The following PCDHA2 variants were observed in gnomAD, a reference collection of about 807,000 sequenced individuals.
The protein encoded by PCDHA2 is protocadherin alpha-2.
In PCDHA2, 58 loss-of-function variants were observed where a neutral mutation model predicts 66.0. That is an observed-to-expected ratio of 0.88 (90% CI 0.71 to 1.09). The LOEUF (loss-of-function observed/expected upper bound fraction) is 1.09, where lower values mean the gene tolerates loss of function less well. Among genes scored for constraint, PCDHA2 ranks in the 50% least tolerant of loss-of-function variants. The pLI is 0.00. For missense variants in PCDHA2, 1,267 were observed against 1,242.3 expected, an observed-to-expected ratio of 1.02 and a Z score of -0.30; for synonymous variants, 634 against 554.0, an observed-to-expected ratio of 1.14 and a Z score of -2.03.
intron 1 of PCDHA2, chr5:140,835,926 G>C: frequency 1.2e-6 from 2 of 1,612,440 alleles, no homozygotes; most frequent in South Asian, 1.1e-5. Flanking sequence ...CGCGGAGAGC[G>C]GCAAGGTGTA....
chr5:140,890,702 A>G (rs552792120), intron 1 of PCDHA2, among the ~76,000 whole-genome samples: 1 of 152,318 alleles, frequency 6.6e-6, no homozygotes, highest in African/African-American at 2.4e-5. Flanking sequence ...GGGACCTTAC[A>G]TTTTTAAAAT....
chr5:140,832,402 T>C (rs1771970001), intron 1 of PCDHA2, among the ~76,000 whole-genome samples: 1 of 152,248 alleles, frequency 6.6e-6, no homozygotes. Context: ...GTAGTGGTAT[T>C]TTCTGTTTTC....
chr5:140,867,527 T>C (rs1238140449), intron 1 of PCDHA2: 1 of 152,106 alleles, frequency 6.6e-6, no homozygotes, highest in Non-Finnish European at 1.5e-5. Context: ...TAGTTGAATA[T>C]ATATATAAAA....
At chr5:140,858,190 G>T in intron 1 of PCDHA2, 1 of 1,597,502 alleles carries the variant, frequency 6.3e-7, no homozygotes, top group Admixed American at 1.7e-5. Context: ...TCACGCTGCT[G>T]CTGTACACTG....
chr5:140,908,824 C>T (rs1199416548), intron 1 of PCDHA2, among the ~76,000 whole-genome samples: 1 of 152,082 alleles, frequency 6.6e-6, no homozygotes, highest in African/African-American at 2.4e-5. Flanking sequence ...TTGGGTTACT[C>T]GATAAATGGG....
chr5:140,871,719 T>G (rs1228976923), intron 1 of PCDHA2: 1 of 783,446 alleles, frequency 1.3e-6, no homozygotes, highest in East Asian at 2.9e-5. Flanking sequence ...CCTATTTCTC[T>G]TAATATTTGG....
Position 140,919,359 on chromosome 5 carries a change from G to A in PCDHA2, c.2389-59590G>A, listed in dbSNP as rs188480486. Among the ~76,000 whole-genome samples, 421 of 152,262 alleles carry A rather than the reference G, an allele frequency of 2.8e-3. 2 individuals carry two copies. The highest frequency in any genetic ancestry group is 0.014 in the Middle Eastern group (4 of 294). ...TGTTTGTATCTTTGAATCTAAAAGTGTCTCCTGCAGACAACACATAGTTGG... is the reference window on the plus strand; with the variant it reads ...TGTTTGTATCTTTGAATCTAAAAGTATCTCCTGCAGACAACACATAGTTGG... On this transcript the variant is annotated intron_variant, in intron 1 of 3. Coordinates refer to ENST00000526136, the MANE Select transcript of PCDHA2 (RefSeq NM_018905.3).
chr5:140,815,351 T>A (rs2126663631), intron 1 of PCDHA2: 1 of 152,224 alleles, frequency 6.6e-6, no homozygotes, highest in South Asian at 2.1e-4. Flanking sequence ...CTTTTGTATA[T>A]CTTCCATAGG....
chr5:140,904,700 C>A (rs1228017325), intron 1 of PCDHA2, among the ~76,000 whole-genome samples: 1 of 152,028 alleles, frequency 6.6e-6, no homozygotes, highest in Non-Finnish European at 1.5e-5. Flanking sequence ...AAATTGTTCC[C>A]TTTTCACCAC....
At position 140,796,253 on chromosome 5, in the gene PCDHA2, G is replaced by C. The variant is rs1178356320; in HGVS notation, c.1289G>C (p.Gly430Ala). 4 of 1,614,040 alleles carry C rather than the reference G, an allele frequency of 2.5e-6. No individual in the cohort carries two copies. Among genetic ancestry groups the C allele is most frequent in the East Asian group, 2.2e-5 (1 of 44,906 alleles). Residue 430 changes from glycine to alanine, a missense_variant, in exon 1 of 4, where the codon GGG becomes GCG. Transcript: ENST00000526136. ...GAGCTGGTGGTGACCGCACGGGACG[G>C]GGGCTCGCCTTCACTGTGGGCCACC... ...AYELVVTARD[G>A]GSPSLWATTS...
At chr5:140,992,201 CAG>C (rs1587495213) in intron 3 of PCDHA2, among the ~76,000 whole-genome samples, 1 of 152,256 alleles carries the variant, frequency 6.6e-6, no homozygotes, top group East Asian at 1.9e-4. Context: ...TCTATCCAAT[CAG>C]ATAAACTACT....
chr5:140,988,658 T>C (rs1470835683), intron 3 of PCDHA2, among the ~76,000 whole-genome samples: 7 of 152,232 alleles, frequency 4.6e-5, no homozygotes, highest in African/African-American at 9.6e-5. Flanking sequence ...TTTTTGTTTA[T>C]GAATAGACTC....
At position 140,969,018 on chromosome 5, in the gene PCDHA2, G is replaced by A. The variant is rs143196630; in HGVS notation, c.2389-9931G>A. On this transcript the variant is annotated intron_variant, in intron 1 of 3. Transcript: ENST00000526136. ...GGAGGCTTCTGTGGAGTAAGGGAAA[G>A]GTCCCCTGCAGAACTGTACAAACAA... 33 of 1,614,058 alleles carry A rather than the reference G, an allele frequency of 2.0e-5. 1 individual carries two copies. In the Middle Eastern group the frequency reaches 4.9e-4, roughly 24 times the overall value.
intron 1 of PCDHA2, chr5:140,802,036 C>T: frequency 1.9e-6 from 3 of 1,614,182 alleles, no homozygotes; most frequent in Non-Finnish European, 2.5e-6. Flanking sequence ...ATCGCGTATT[C>T]TTTCAATACG....
At chr5:140,798,444 G>A (rs1554120681) in intron 1 of PCDHA2, among the ~76,000 whole-genome samples, 1 of 152,106 alleles carries the variant, frequency 6.6e-6, no homozygotes, top group African/African-American at 2.4e-5. Context: ...AAATCACACT[G>A]GGGTTTTTCA....
chr5:140,964,338 G>T (rs2153739261), intron 1 of PCDHA2, among the ~76,000 whole-genome samples: 1 of 152,320 alleles, frequency 6.6e-6, no homozygotes, highest in South Asian at 2.1e-4. Flanking sequence ...AACCTGGCAG[G>T]TGTCCTTGCT....
intron 1 of PCDHA2, among the ~76,000 whole-genome samples, chr5:140,922,616 A>G (rs2080916487): frequency 6.6e-6 from 1 of 152,242 alleles, no homozygotes; most frequent in African/African-American, 2.4e-5. Context: ...TATTAAAACT[A>G]TGGTACACAT....
intron 1 of PCDHA2, chr5:140,857,309 G>A: frequency 6.3e-7 from 1 of 1,598,786 alleles, no homozygotes; most frequent in East Asian, 2.2e-5. Flanking sequence ...GTCGGCCTAT[G>A]AGCTGGTGGT....
chr5:140,926,125 A>G (rs1584421625), intron 1 of PCDHA2, among the ~76,000 whole-genome samples: 2 of 152,180 alleles, frequency 1.3e-5, no homozygotes, highest in Admixed American at 6.5e-5. Flanking sequence ...ACAGACTTCA[A>G]CCCGCAGCAG....
Sources: gnomAD v4.1 joint callset for allele counts (sites outside exome capture counted in the v4.1 genomes callset) on GRCh38, gnomAD v4.1.1 for gene constraint, MANE v1.5 for transcripts, NCBI Gene and HGNC (gene_info 2026-07-23, HGNC 2026-07-21) for gene names.